AKNAD1: variants seen among roughly 807,000 people sequenced by gnomAD.
AKNAD1 encodes the protein protein AKNAD1.
Under a neutral mutation model 90.8 loss-of-function variants are expected in AKNAD1, and 67 were observed. The observed-to-expected ratio is 0.74, with a 90% CI of 0.61 to 0.90. The LOEUF (loss-of-function observed/expected upper bound fraction) is 0.90, where lower values mean the gene tolerates loss of function less well. Ranked by LOEUF, AKNAD1 falls within the 40% of genes least tolerant of loss-of-function variation. AKNAD1 has a pLI of 0.00. For missense variants in AKNAD1, 957 were observed against 975.4 expected (o/e 0.98, Z 0.25); for synonymous variants, 327 against 341.4 (o/e 0.96, Z 0.46).
At chr1:108,844,047 GA>G (rs1664631292) in intron 5 of AKNAD1, among the ~76,000 whole-genome samples, 1 of 133,844 alleles carries the variant, frequency 7.5e-6, no homozygotes, top group Admixed American at 7.0e-5. Context: ...ATTCCATTGA[GA>G]AAAGAGACTG....
At chr1:108,843,723 T>A (rs1335420495) in intron 5 of AKNAD1, among the ~76,000 whole-genome samples, 3 of 152,190 alleles carry the variant, frequency 2.0e-5, no homozygotes, top group African/African-American at 7.2e-5. Context: ...TGAAGGCACA[T>A]AGATCTTAAA....
chr1:108,845,018 C>A (rs1664662540), intron 5 of AKNAD1, among the ~76,000 whole-genome samples: 1 of 152,070 alleles, frequency 6.6e-6, no homozygotes, highest in African/African-American at 2.4e-5. Context: ...GCGGTTTCAC[C>A]ATGTTGGCCA....
At position 108,848,746 on chromosome 1, in the gene AKNAD1, C is replaced by A. The variant is rs769809674; in HGVS notation, c.1245+6G>T. 5.6e-6 allele frequency: 9 copies of A among 1,603,684 alleles called. No homozygotes were observed. Among genetic ancestry groups the A allele is most frequent in the South Asian group, 1.1e-5 (1 of 88,102 alleles). On this transcript the variant is annotated splice_donor_region_variant and intron_variant, in intron 5 of 15. Transcript: ENST00000370001. ...AAGATTTTAAAAACGGGATAAAATT[C>A]ATTACCAGCTTCTTGTCTTGCAAAT...
intron 2 of AKNAD1, among the ~76,000 whole-genome samples, chr1:108,851,262 G>A (rs1014737460): frequency 1.3e-5 from 2 of 152,152 alleles, no homozygotes; most frequent in African/African-American, 2.4e-5. Context: ...TGGCCCAAGG[G>A]GGAATTGAAG....
At chr1:108,835,947 C>G (rs1043473135) in intron 7 of AKNAD1, among the ~76,000 whole-genome samples, 2 of 152,128 alleles carry the variant, frequency 1.3e-5, no homozygotes, top group Non-Finnish European at 2.9e-5. Flanking sequence ...ATATGTCTCT[C>G]TTACAGAAAT....
chr1:108,855,851 T>A (rs1396168358), intron 1 of AKNAD1, among the ~76,000 whole-genome samples: 2 of 149,120 alleles, frequency 1.3e-5, no homozygotes, highest in Admixed American at 1.3e-4. Context: ...ATTGTCTAAT[T>A]TTTTAGAACA....
intron 11 of AKNAD1, among the ~76,000 whole-genome samples, chr1:108,825,276 A>G (rs1663958872): frequency 1.3e-5 from 2 of 151,638 alleles, no homozygotes; most frequent in Non-Finnish European, 2.9e-5. Flanking sequence ...AAGATGATAA[A>G]TGTTTGTTGT....
chr1:108,824,161 C>G (rs1266635568), intron 11 of AKNAD1, among the ~76,000 whole-genome samples: 1 of 152,218 alleles, frequency 6.6e-6, no homozygotes, highest in Non-Finnish European at 1.5e-5. Flanking sequence ...GAACCTGAAT[C>G]ATGACTTTGC....
intron 9 of AKNAD1, among the ~76,000 whole-genome samples, chr1:108,831,959 C>T (rs1218378920): frequency 3.9e-5 from 6 of 152,026 alleles, no homozygotes; most frequent in Admixed American, 2.0e-4. Context: ...CTTTTTAGCT[C>T]ATGTCCTTTG....
intron 10 of AKNAD1, 116 bp downstream of exon 10, chr1:108,830,443 T>C: frequency 1.1e-6 from 1 of 937,672 alleles, no homozygotes; most frequent in Admixed American, 2.1e-5. Flanking sequence ...GCCTGAGATC[T>C]GTGACTCTAT....
Position 108,852,562 on chromosome 1 carries a change from T to G in AKNAD1, c.103A>C (p.Thr35Pro), listed in dbSNP as rs144412282. The G allele has an allele frequency of 1.9e-6, 3 of 1,614,018 alleles. No homozygotes were observed. The highest frequency in any genetic ancestry group is 2.5e-6 in the Non-Finnish European group (3 of 1,179,962). ...QIKIGNDYSFTSKKDGLEVLN... is the reference protein window; with the variant it reads ...QIKIGNDYSFPSKKDGLEVLN... ...ACTTCAAGGCCATCCTTTTTTGAGG[T>G]AAAACTGTAATCATTGCCTATCTTA... is the stretch of plus-strand genomic sequence containing the variant. Residue 35 changes from threonine to proline, a missense_variant, in exon 2 of 16, where the codon ACC becomes CCC. Transcript: ENST00000370001.
intron 5 of AKNAD1, among the ~76,000 whole-genome samples, chr1:108,843,843 C>T (rs570194931): frequency 1.3e-3 from 191 of 152,268 alleles, no homozygotes; most frequent in Non-Finnish European, 1.7e-3. Context: ...GTCTTCCAGA[C>T]ATCACTACGT....
At position 108,825,357 on chromosome 1, in the gene AKNAD1, CTT is replaced by C. The variant is rs143367096; in HGVS notation, c.1937-1671_1937-1670del. On this transcript the variant is annotated intron_variant, in intron 11 of 15. Coordinates refer to ENST00000370001, the MANE Select transcript of AKNAD1 (RefSeq NM_152763.5). ...GCTAATACACTCACTCACACTCACT[CTT>C]TGGTCCTGTCAAGTCACTTAATTTC... Among the ~76,000 whole-genome samples, 968 of 151,858 alleles carry C rather than the reference CTT, an allele frequency of 6.4e-3. 22 individuals are homozygous for C. Among genetic ancestry groups the C allele is most frequent in the African/African-American group, 0.019 (780 of 41,528 alleles).
intron 11 of AKNAD1, among the ~76,000 whole-genome samples, chr1:108,824,343 C>T (rs776990306): frequency 2.6e-5 from 4 of 152,182 alleles, no homozygotes; most frequent in Non-Finnish European, 5.9e-5. Context: ...CATCTCGCTG[C>T]AGGACAGATG....
At chr1:108,838,835 C>T (rs1664454734) in intron 6 of AKNAD1, among the ~76,000 whole-genome samples, 1 of 151,832 alleles carries the variant, frequency 6.6e-6, no homozygotes. Flanking sequence ...TATTAAAATT[C>T]ACTTTTAAAA....
chr1:108,852,895 C>T, intron 1 of AKNAD1, 128 bp from the exon 2 acceptor site: 1 of 358,856 alleles, frequency 2.8e-6, no homozygotes. Flanking sequence ...GAAGCTCAAC[C>T]ACAAGCTGAC....
intron 6 of AKNAD1, among the ~76,000 whole-genome samples, 160 bp from the exon 7 acceptor site, chr1:108,837,866 T>C (rs1049439380): frequency 2.0e-5 from 3 of 152,236 alleles, no homozygotes; most frequent in Admixed American, 2.0e-4. Flanking sequence ...ATAGTTTCTC[T>C]GACAGCCTGG....
rs1434568496 is a variant in AKNAD1 at position 108,823,496 on chromosome 1, A to G, written c.2060-19T>C. ...TGAAATTCTGGGAAGAAAAGATTAAAAATACAGTTAATTGCCTGGGAACAG... is the reference window on the plus strand; with the variant it reads ...TGAAATTCTGGGAAGAAAAGATTAAGAATACAGTTAATTGCCTGGGAACAG... On this transcript the variant is annotated intron_variant, in intron 12 of 15. Transcript: ENST00000370001. 1 of 1,612,150 alleles carries G rather than the reference A, an allele frequency of 6.2e-7. No individual in the cohort carries two copies.
rs111752026 is a variant in AKNAD1, at chr1:108,850,635, T to TA, written c.993+1036dup. 2.2e-4 allele frequency among the ~76,000 whole-genome samples: 31 copies of TA among 139,716 alleles called. No individual in the cohort carries two copies. The East Asian group carries it at 5.6e-3, about 25-fold the overall frequency. 91.7% of individuals were successfully genotyped at this position (139,716 alleles called of 152,430 possible). On this transcript the variant is annotated intron_variant, in intron 2 of 15. Coordinates refer to ENST00000370001, the MANE Select transcript of AKNAD1 (RefSeq NM_152763.5). ...GAAGTGTGAAAATGGAAATGGAAAT[T>TA]AAAAAAAAGAGAGAGAGAGAAAAAT...
Sources: gnomAD v4.1 joint callset for allele counts (sites outside exome capture counted in the v4.1 genomes callset) on GRCh38, gnomAD v4.1.1 for gene constraint, MANE v1.5 for transcripts, NCBI Gene and HGNC (gene_info 2026-07-23, HGNC 2026-07-21) for gene names.